Variants in IL1F10 observed in about 807,000 individuals in gnomAD.
The protein encoded by IL1F10 is interleukin-1 family member 10.
IL1F10 carries 13 observed loss-of-function variants against 13.1 expected under a neutral mutation model. That is an observed-to-expected ratio of 0.99 (90% CI 0.64 to 1.57). IL1F10 has a LOEUF of 1.57. Among genes scored for constraint, IL1F10 ranks in the 40% most tolerant of loss-of-function variants. IL1F10 has a pLI of 0.00. For missense variants in IL1F10, 191 were observed against 184.1 expected (o/e 1.04, Z -0.22); for synonymous variants, 78 against 68.2 (o/e 1.14, Z -0.71).
In IL1F10 at chr2:113,075,816, T is replaced by C. The variant is rs1685934139; in HGVS notation, c.*452T>C. The stretch of plus-strand genomic sequence containing the variant: ...TTCAGACTTCTGACCTCCACAACTA[T>C]AAAATAATAAACTTGTGTTATTGTA... On this transcript the variant is annotated 3_prime_UTR_variant, in exon 5 of 5. Transcript: ENST00000341010. 6.5e-6 allele frequency: 1 copy of C among 152,754 alleles called. No homozygotes were observed. Among genetic ancestry groups the C allele is most frequent in the East Asian group, 1.9e-4 (1 of 5,206 alleles). The allele number at this position is 152,754 out of a possible 1,614,324, so 9.5% of individuals were successfully genotyped here. A position where few individuals can be genotyped will look rare whatever the true frequency, so the allele number is the denominator to read the frequency against.
intron 1 of IL1F10, among the ~76,000 whole-genome samples, chr2:113,070,966 T>C (rs1223941280): frequency 1.3e-5 from 2 of 152,214 alleles, no homozygotes; most frequent in African/African-American, 4.8e-5. Flanking sequence ...GTGATGCAGA[T>C]GGGCAGGCAC....
chr2:113,074,457 G>A lies in IL1F10; in HGVS notation c.118+43G>A, dbSNP rs376658212. The A allele has an allele frequency of 6.4e-5, 93 of 1,448,996 alleles. No individual in the cohort carries two copies. In the South Asian group the frequency reaches 7.7e-4, roughly 12 times the overall value. The allele number at this position is 1,448,996 out of a possible 1,614,324, so 89.8% of individuals were successfully genotyped here. On this transcript the variant is annotated intron_variant, in intron 3 of 4. Coordinates refer to ENST00000341010, the MANE Select transcript of IL1F10 (RefSeq NM_173161.3). ...CCACCCCATGCTCCATCTGCCATAG[G>A]CCCTCCCTTCTCTTCTTCCCTTTCC...
At chr2:113,071,815 A>AT (rs1000241950) in intron 1 of IL1F10, among the ~76,000 whole-genome samples, 3 of 151,296 alleles carry the variant, frequency 2.0e-5, no homozygotes, top group African/African-American at 7.3e-5. Flanking sequence ...GCTTTCTTAT[A>AT]TTTTTTCTTC....
At chr2:113,071,345 T>A (rs1446544099) in intron 1 of IL1F10, among the ~76,000 whole-genome samples, 5 of 152,250 alleles carry the variant, frequency 3.3e-5, no homozygotes, top group Non-Finnish European at 7.3e-5. Context: ...AAATTCAGAT[T>A]TTTTTCAACT....
intron 1 of IL1F10, among the ~76,000 whole-genome samples, chr2:113,070,064 A>AG (rs1197906580): frequency 6.6e-6 from 1 of 152,142 alleles, no homozygotes; most frequent in African/African-American, 2.4e-5. Context: ...AGGACAGGTG[A>AG]ATTGCGGAGG....
Position 113,072,698 on chromosome 2 carries a change from T to G in IL1F10, c.-28-13T>G. 6.3e-7 allele frequency: 1 copy of G among 1,594,398 alleles called. No homozygotes were observed. The highest frequency in any genetic ancestry group is 1.1e-5 in the South Asian group (1 of 89,570). ...GCCTCCTTTTCTAACTGCCCTTCTCTCCTCCCCATCAGTGAGGACCAGACA... is the reference window on the plus strand; with the variant it reads ...GCCTCCTTTTCTAACTGCCCTTCTCGCCTCCCCATCAGTGAGGACCAGACA... On this transcript the variant is annotated splice_polypyrimidine_tract_variant and intron_variant, in intron 1 of 4. Transcript: ENST00000341010.
In IL1F10 at chr2:113,075,407, G is replaced by A; in HGVS notation, c.*43G>A. The A allele has an allele frequency of 7.2e-7, 1 of 1,393,026 alleles. No homozygotes were observed. The highest frequency in any genetic ancestry group is 1.4e-5 in the African/African-American group (1 of 69,752). The allele number at this position is 1,393,026 out of a possible 1,614,324, so 86.3% of individuals were successfully genotyped here. ...TTTTAGCCTTGTGCCCCCAAACCAA[G>A]CTCATCCTGCTCAGGGTCTATGGTA... On this transcript the variant is annotated 3_prime_UTR_variant, in exon 5 of 5. Transcript: ENST00000341010.
chr2:113,075,039 C>CT (rs1685912085), intron 4 of IL1F10, 113 bp from the exon 5 acceptor site: 1 of 1,263,518 alleles, frequency 7.9e-7, no homozygotes, highest in Non-Finnish European at 1.1e-6. Context: ...AAGGCAGTCC[C>CT]TTGGGTAAAA....
intron 2 of IL1F10, among the ~76,000 whole-genome samples, chr2:113,073,003 A>T (rs1685867140): frequency 6.6e-6 from 1 of 152,190 alleles, no homozygotes; most frequent in Non-Finnish European, 1.5e-5. Context: ...GAGTGTTATT[A>T]AACCCATTTT....
intron 4 of IL1F10, 79 bp from the exon 5 acceptor site, chr2:113,075,073 T>C: frequency 7.2e-7 from 1 of 1,387,846 alleles, no homozygotes; most frequent in Non-Finnish European, 9.8e-7. Flanking sequence ...GGTCCTTTTT[T>C]GGCCAAGCCC....
chr2:113,074,941 C>T, intron 4 of IL1F10, 91 bp downstream of exon 4: 1 of 1,483,976 alleles, frequency 6.7e-7, no homozygotes, highest in South Asian at 1.2e-5. Flanking sequence ...TGTGGATTCC[C>T]AGCCAGGTCC....
At chr2:113,068,426 A>C (rs1173991757) in intron 1 of IL1F10, among the ~76,000 whole-genome samples, 7 of 150,456 alleles carry the variant, frequency 4.7e-5, no homozygotes, top group African/African-American at 1.7e-4. Flanking sequence ...CAAAGTCTCC[A>C]TTGCTTCCTG....
At chr2:113,068,533 A>G (rs1685783014) in intron 1 of IL1F10, among the ~76,000 whole-genome samples, 1 of 152,148 alleles carries the variant, frequency 6.6e-6, no homozygotes, top group Admixed American at 6.5e-5. Context: ...AAGATACCTT[A>G]CTCAATCTTT....
At position 113,075,271 on chromosome 2, in the gene IL1F10, G is replaced by C. The variant is rs771970029; in HGVS notation, c.366G>C (p.Leu122=). ...LEAAAWPGWF[L]CGPAEPQQPV... ...CTGCTGCCTGGCCTGGCTGGTTCCT[G>C]TGTGGCCCGGCAGAGCCCCAGCAGC... The change falls in exon 5 of 5, where the codon CTG becomes CTC. Residue 122 remains leucine, a synonymous_variant. Transcript: ENST00000341010. 35 of 1,612,710 alleles carry C rather than the reference G, an allele frequency of 2.2e-5. No individual in the cohort carries two copies. The South Asian group carries it at 3.5e-4, about 16-fold the overall frequency.
intron 1 of IL1F10, among the ~76,000 whole-genome samples, chr2:113,071,411 A>G (rs945465897): frequency 1.4e-4 from 21 of 152,382 alleles, no homozygotes; most frequent in African/African-American, 5.0e-4. Flanking sequence ...ACATTTGGGC[A>G]ATCCGTTATT....
In IL1F10 at chr2:113,075,347, T is replaced by C; in HGVS notation, c.442T>C (p.Phe148Leu). ...GCCCTCAGCCCGTACCAAGTTTTAC[T>C]TTGAACAGAGCTGGTAGGGAGACAG... ...SEPSARTKFY[F>L]EQSW is the part of the protein sequence containing the mutation. The change falls in exon 5 of 5, where the codon TTT becomes CTT. Residue 148 changes from phenylalanine (F) to leucine (L), a missense_variant. By Grantham distance (22) the Phe-to-Leu change is conservative. Transcript: ENST00000341010. 1.3e-6 allele frequency: 2 copies of C among 1,585,194 alleles called. No homozygotes were observed. The highest frequency in any genetic ancestry group is 1.7e-6 in the Non-Finnish European group (2 of 1,160,480).
rs1439418904 is a variant in IL1F10, at chr2:113,075,610, G to C, written c.*246G>C. On this transcript the variant is annotated 3_prime_UTR_variant, in exon 5 of 5. Transcript: ENST00000341010. ...TAATCACAAGAAGGAGGCAGGAAGG[G>C]AGAGTCAGAGAGAGAATGGAAGATA... 3.2e-6 allele frequency: 1 copy of C among 312,330 alleles called. No individual in the cohort carries two copies. Among genetic ancestry groups the C allele is most frequent in the East Asian group, 5.2e-5 (1 of 19,196 alleles). The allele number at this position is 312,330 out of a possible 1,614,324, so 19.3% of individuals were successfully genotyped here. A position where few individuals can be genotyped will look rare whatever the true frequency, so the allele number is the denominator to read the frequency against.
chr2:113,069,705 G>T (rs984874447), intron 1 of IL1F10, among the ~76,000 whole-genome samples: 2 of 152,222 alleles, frequency 1.3e-5, no homozygotes, highest in African/African-American at 2.4e-5. Context: ...ATTAGCCCAA[G>T]ATAATCATTG....
chr2:113,074,512 A>G (rs1685899179), intron 3 of IL1F10, 98 bp downstream of exon 3: 4 of 1,116,136 alleles, frequency 3.6e-6, no homozygotes, highest in Admixed American at 1.7e-5. Flanking sequence ...AGCTGCCCCC[A>G]GTGACAGTGA....
Sources: gnomAD v4.1 joint callset for allele counts (sites outside exome capture counted in the v4.1 genomes callset) on GRCh38, gnomAD v4.1.1 for gene constraint, MANE v1.5 for transcripts, NCBI Gene and HGNC (gene_info 2026-07-23, HGNC 2026-07-21) for gene names.